Variants in CCDC73 observed in about 807,000 individuals in gnomAD.
CCDC73 encodes the protein coiled-coil domain containing 73.
CCDC73 carries 95 observed loss-of-function variants against 116.5 expected under a neutral mutation model. That is an observed-to-expected ratio of 0.82 (90% CI 0.69 to 0.97). CCDC73 has a LOEUF of 0.97. CCDC73 is among the 50% of genes least tolerant of loss of function. The pLI, the probability that CCDC73 is intolerant of heterozygous loss-of-function variation, is 0.00. For synonymous variants in CCDC73, 398 were observed against 401.3 expected (o/e 0.99, Z 0.10); for missense variants, 1,066 against 1,206.8 (o/e 0.88, Z 1.73).
intron 2 of CCDC73, among the ~76,000 whole-genome samples, chr11:32,725,580 G>A (rs979721899): frequency 2.0e-5 from 3 of 152,000 alleles, no homozygotes; most frequent in African/African-American, 2.4e-5. Flanking sequence ...TCAATTTTAC[G>A]TTAACTTTAT....
chr11:32,626,976 G>T (rs747651725), intron 14 of CCDC73, among the ~76,000 whole-genome samples: 2 of 152,052 alleles, frequency 1.3e-5, no homozygotes, highest in African/African-American at 4.8e-5. Context: ...TGATAAATGG[G>T]ATCTAATTAA....
rs1380787442 is a variant in CCDC73, at chr11:32,699,251, C to T, written c.390G>A (p.Gln130=). Residue 130 remains glutamine, a splice_region_variant and synonymous_variant, in exon 6 of 18, where the codon CAG becomes CAA. Coordinates refer to ENST00000335185, the MANE Select transcript of CCDC73 (RefSeq NM_001008391.4). ...TTAAACAATACGTAGTTATTTTTAC[C>T]TGTAGTGCTTTTAATGTTTCCTTCA... is the stretch of plus-strand genomic sequence containing the variant. ...EGLKETLKAL[Q]VSKYSLQKKV... 6.3e-7 allele frequency: 1 copy of T among 1,577,202 alleles called. No homozygotes were observed. The highest frequency in any genetic ancestry group is 2.3e-5 in the East Asian group (1 of 43,398).
chr11:32,685,680 C>A (rs576143457), intron 6 of CCDC73, among the ~76,000 whole-genome samples: 1 of 149,202 alleles, frequency 6.7e-6, no homozygotes, highest in African/African-American at 2.5e-5. Flanking sequence ...AAAGCCACTA[C>A]AGAGTTCTGA....
At chr11:32,662,720 T>C (rs1280228847) in intron 9 of CCDC73, among the ~76,000 whole-genome samples, 1 of 152,228 alleles carries the variant, frequency 6.6e-6, no homozygotes, top group Non-Finnish European at 1.5e-5. Flanking sequence ...TGTTGGCTTT[T>C]GTTGCCATTG....
intron 3 of CCDC73, among the ~76,000 whole-genome samples, chr11:32,703,681 C>A (rs974937514): frequency 4.6e-5 from 7 of 152,152 alleles, no homozygotes; most frequent in Admixed American, 4.6e-4. Flanking sequence ...AACATATACA[C>A]CTTTAAGTTC....
intron 1 of CCDC73, among the ~76,000 whole-genome samples, chr11:32,766,549 T>C (rs564072000): frequency 1.3e-5 from 2 of 152,146 alleles, no homozygotes; most frequent in East Asian, 1.9e-4. Flanking sequence ...GATTGTATAT[T>C]TAGAAAACCC....
chr11:32,662,518 T>C (rs1422758126), intron 9 of CCDC73, among the ~76,000 whole-genome samples: 2 of 152,106 alleles, frequency 1.3e-5, no homozygotes, highest in Non-Finnish European at 2.9e-5. Flanking sequence ...CTTTGCCCAC[T>C]TTGTGATGGG....
chr11:32,694,524 A>C (rs1856291049), intron 6 of CCDC73, among the ~76,000 whole-genome samples: 1 of 152,142 alleles, frequency 6.6e-6, no homozygotes, highest in Admixed American at 6.5e-5. Flanking sequence ...CAGCAAACCA[A>C]TGTGGCACAC....
chr11:32,680,671 T>C (rs903519979), intron 7 of CCDC73: 1 of 152,114 alleles, frequency 6.6e-6, no homozygotes, highest in Non-Finnish European at 1.5e-5. Flanking sequence ...TCCCTTTTCC[T>C]ATTTACTTAA....
At chr11:32,610,615 G>C (rs1258963898) in intron 17 of CCDC73, among the ~76,000 whole-genome samples, 1 of 152,072 alleles carries the variant, frequency 6.6e-6, no homozygotes, top group African/African-American at 2.4e-5. Context: ...ATGACAAATA[G>C]ACTCCTGGAA....
At position 32,699,231 on chromosome 11, in the gene CCDC73, C is replaced by T. The variant is rs377080198; in HGVS notation, c.390+20G>A. 1.9e-6 allele frequency: 3 copies of T among 1,562,646 alleles called. No individual in the cohort carries two copies. Among genetic ancestry groups the T allele is most frequent in the South Asian group, 1.2e-5 (1 of 86,140 alleles). ...CTAAAATACCAAACTACTTTTTAAA[C>T]AATACGTAGTTATTTTTACCTGTAG... On this transcript the variant is annotated intron_variant, in intron 6 of 17. Transcript: ENST00000335185.
chr11:32,830,473 C>T, the CCDC73 span: 178 of 1,194,346 alleles, frequency 1.5e-4, no homozygotes, highest in Middle Eastern at 3.1e-4. Context: ...AGCTAGGGGC[C>T]TTTTTTTTTT....
At chr11:32,709,976 C>T (rs1314586916) in intron 3 of CCDC73, among the ~76,000 whole-genome samples, 2 of 152,114 alleles carry the variant, frequency 1.3e-5, no homozygotes, top group South Asian at 2.1e-4. Context: ...TCTAAGTTTT[C>T]TAGTTTATGC....
chr11:32,795,418 C>G (rs546929386), upstream of CCDC73, among the ~76,000 whole-genome samples: 1 of 150,884 alleles, frequency 6.6e-6, no homozygotes, highest in Non-Finnish European at 1.5e-5. Context: ...CTGCAGTGAC[C>G]CAAGACTGCA....
the CCDC73 span, among the ~76,000 whole-genome samples, chr11:32,806,765 C>T: frequency 1.3e-5 from 2 of 152,064 alleles, no homozygotes; most frequent in South Asian, 4.2e-4. Context: ...AATTCTTACT[C>T]AGGATTATGT....
chr11:32,716,774 G>A (rs1849950250), intron 3 of CCDC73, among the ~76,000 whole-genome samples: 1 of 152,112 alleles, frequency 6.6e-6, no homozygotes, highest in South Asian at 2.1e-4. Flanking sequence ...TGTTGCCCAG[G>A]CTGGTCTTGA....
chr11:32,718,678 G>A (rs1051314020), intron 2 of CCDC73, among the ~76,000 whole-genome samples: 6 of 152,126 alleles, frequency 3.9e-5, no homozygotes, highest in African/African-American at 1.2e-4. Context: ...GCAGAGGGGA[G>A]GGCAACAGAA....
intron 2 of CCDC73, among the ~76,000 whole-genome samples, chr11:32,721,790 G>T (rs1849992507): frequency 6.6e-6 from 1 of 151,754 alleles, no homozygotes; most frequent in Non-Finnish European, 1.5e-5. Flanking sequence ...GTAGAGACGG[G>T]GTTTCACTGT....
chr11:32,616,310 A>G (rs1304215059), intron 14 of CCDC73, among the ~76,000 whole-genome samples, 181 bp from the exon 15 acceptor site: 2 of 152,312 alleles, frequency 1.3e-5, no homozygotes, highest in Non-Finnish European at 1.5e-5. Flanking sequence ...ATCACTTTAC[A>G]TTCATTTTAT....
Sources: allele counts gnomAD v4.1 joint callset (sites outside exome capture counted in the v4.1 genomes callset), GRCh38; gene constraint gnomAD v4.1.1; transcripts MANE v1.5; gene names NCBI Gene and HGNC (gene_info 2026-07-23, HGNC 2026-07-21).